PKIB: variants seen among roughly 807,000 people sequenced by gnomAD.
PKIB encodes PKI-beta.
Under a neutral mutation model 4.5 loss-of-function variants are expected in PKIB, and 2 were observed. That is an observed-to-expected ratio of 0.44 (90% CI 0.18 to 1.39). The LOEUF is 1.39. Ranked by LOEUF, PKIB falls within the 40% of genes most tolerant of loss-of-function variation. The pLI is 0.27. For missense variants in PKIB, 94 were observed against 92.6 expected (o/e 1.02, Z -0.06); for synonymous variants, 38 against 36.0 (o/e 1.06, Z -0.20).
At chr6:122,645,913 G>T (rs1582771337) in intron 2 of PKIB, among the ~76,000 whole-genome samples, 1 of 151,932 alleles carries the variant, frequency 6.6e-6, no homozygotes, top group African/African-American at 2.4e-5. Context: ...ACAAAATTGT[G>T]CTTTACTTTA....
At chr6:122,547,971 C>T (rs112531306) in intron 2 of PKIB, among the ~76,000 whole-genome samples, 6 of 152,266 alleles carry the variant, frequency 3.9e-5, no homozygotes, top group Non-Finnish European at 8.8e-5. Context: ...ACACTCCAAA[C>T]GCTAGGCCTA....
chr6:122,531,811 T>C (rs771403599), intron 2 of PKIB, among the ~76,000 whole-genome samples: 5 of 152,250 alleles, frequency 3.3e-5, no homozygotes, highest in Admixed American at 6.5e-5. Context: ...TGGGAATTTA[T>C]ACCGTTAATC....
intron 2 of PKIB, among the ~76,000 whole-genome samples, chr6:122,577,519 T>C: frequency 6.6e-6 from 1 of 152,166 alleles, no homozygotes. Flanking sequence ...TTGAAAAAAC[T>C]ACCCATTTCT....
chr6:122,672,386 A>G (rs1777500546), intron 2 of PKIB, among the ~76,000 whole-genome samples: 1 of 152,198 alleles, frequency 6.6e-6, no homozygotes, highest in African/African-American at 2.4e-5. Flanking sequence ...GACATTCAAC[A>G]TCTCTGCTAA....
At chr6:122,558,562 C>T (rs546786480) in intron 2 of PKIB, among the ~76,000 whole-genome samples, 55 of 152,256 alleles carry the variant, frequency 3.6e-4, no homozygotes, top group South Asian at 1.9e-3. Flanking sequence ...GTAAAATCTA[C>T]ATATCTCCAT....
chr6:122,613,062 AG>A (rs977370814), intron 1 of PKIB, among the ~76,000 whole-genome samples: 5 of 152,212 alleles, frequency 3.3e-5, no homozygotes, highest in Non-Finnish European at 7.3e-5. Flanking sequence ...CTCAGAAACG[AG>A]ATATTTCTTG....
chr6:122,541,078 C>G (rs1299739810), intron 2 of PKIB, among the ~76,000 whole-genome samples: 1 of 151,292 alleles, frequency 6.6e-6, no homozygotes, highest in East Asian at 1.9e-4. Context: ...ATGTGTGTCT[C>G]TGCACGTGAG....
chr6:122,561,984 G>GTTTGTT (rs796093836), intron 2 of PKIB, among the ~76,000 whole-genome samples: 3 of 24,898 alleles, frequency 1.2e-4, no homozygotes, highest in African/African-American at 4.5e-4. Flanking sequence ...GTTTTTTTTT[G>GTTTGTT]TTTGTTTTTG....
chr6:122,609,676 C>T (rs1044849885), upstream of PKIB, among the ~76,000 whole-genome samples: 4 of 152,196 alleles, frequency 2.6e-5, no homozygotes, highest in African/African-American at 7.2e-5. Context: ...ACCACTTTCT[C>T]AGGAAGCAGA....
chr6:122,660,892 C>G (rs1239935441), intron 2 of PKIB, among the ~76,000 whole-genome samples: 1 of 152,020 alleles, frequency 6.6e-6, no homozygotes, highest in Non-Finnish European at 1.5e-5. Context: ...ATTTAATAAA[C>G]CTTTTATGTA....
intron 2 of PKIB, among the ~76,000 whole-genome samples, chr6:122,640,758 A>G (rs1776091411): frequency 6.6e-6 from 1 of 152,226 alleles, no homozygotes; most frequent in African/African-American, 2.4e-5. Flanking sequence ...ACGTTAACTC[A>G]ACGAACTGTG....
intron 3 of PKIB, among the ~76,000 whole-genome samples, chr6:122,694,769 CT>C (rs1246287355): frequency 6.6e-6 from 1 of 152,156 alleles, no homozygotes; most frequent in African/African-American, 2.4e-5. Context: ...AGCAGAGTGC[CT>C]GATCATTGAA....
At chr6:122,664,783 G>A (rs960515024) in intron 2 of PKIB, among the ~76,000 whole-genome samples, 1 of 151,952 alleles carries the variant, frequency 6.6e-6, no homozygotes, top group African/African-American at 2.4e-5. Context: ...TTAATTTAAT[G>A]TAATGCCTTA....
intron 2 of PKIB, among the ~76,000 whole-genome samples, chr6:122,669,387 T>C (rs1777358085): frequency 6.6e-6 from 1 of 152,214 alleles, no homozygotes; most frequent in Non-Finnish European, 1.5e-5. Flanking sequence ...AATTTGTTTG[T>C]CAGCTTGAAT....
chr6:122,677,433 G>C (rs562418331), intron 3 of PKIB, among the ~76,000 whole-genome samples: 33 of 152,262 alleles, frequency 2.2e-4, no homozygotes, highest in Non-Finnish European at 8.8e-5. Flanking sequence ...AGTTTTGGCT[G>C]TGCTGCTTAC....
chr6:122,472,627 CTAA>C (rs1775337122), intron 1 of PKIB, among the ~76,000 whole-genome samples: 1 of 152,068 alleles, frequency 6.6e-6, no homozygotes, highest in Non-Finnish European at 1.5e-5. Context: ...ATTCCCATAA[CTAA>C]TAATAAGAAA....
At chr6:122,544,422 G>A (rs1418096380) in intron 2 of PKIB, among the ~76,000 whole-genome samples, 1 of 151,790 alleles carries the variant, frequency 6.6e-6, no homozygotes, top group Non-Finnish European at 1.5e-5. Context: ...AGCATAACCT[G>A]TAAAATAAAC....
chr6:122,680,835 T>G (rs894291539), intron 3 of PKIB, among the ~76,000 whole-genome samples: 7 of 152,224 alleles, frequency 4.6e-5, no homozygotes, highest in Non-Finnish European at 7.3e-5. Context: ...AAAACGAACT[T>G]TTTAAAATTC....
At chr6:122,711,704 T>C (rs1007632277) in intron 3 of PKIB, among the ~76,000 whole-genome samples, 1 of 152,184 alleles carries the variant, frequency 6.6e-6, no homozygotes, top group Non-Finnish European at 1.5e-5. Context: ...ATATTAGTAT[T>C]GTAAGTGGCC....
Sources: gnomAD v4.1 joint callset for allele counts (sites outside exome capture counted in the v4.1 genomes callset) on GRCh38, gnomAD v4.1.1 for gene constraint, MANE v1.5 for transcripts, NCBI Gene and HGNC (gene_info 2026-07-23, HGNC 2026-07-21) for gene names.